Variants in SENP1 observed in about 807,000 individuals in gnomAD.
The protein encoded by SENP1 is SUMO specific peptidase 1, also known as sentrin-specific protease 1.
A neutral mutation model predicts 93.0 loss-of-function variants in SENP1; 21 were observed. The observed-to-expected ratio is 0.23, with a 90% CI of 0.16 to 0.33. The LOEUF is 0.33. Ranked by LOEUF, SENP1 falls within the 10% of genes least tolerant of loss-of-function variation. The probability of loss-of-function intolerance (pLI) is 1.00; values close to 1 mark genes in which losing one functional copy is unlikely to be tolerated. For missense variants in SENP1, 591 were observed against 758.7 expected, an observed-to-expected ratio of 0.78 and a Z score of 2.60; for synonymous variants, 256 against 259.6, an observed-to-expected ratio of 0.99 and a Z score of 0.13.
chr12:48,103,784 C>G (rs1465592572), intron 1 of SENP1, among the ~76,000 whole-genome samples: 1 of 152,110 alleles, frequency 6.6e-6, no homozygotes, highest in East Asian at 1.9e-4. Context: ...TAGTGGAACA[C>G]AAGATAATGG....
At chr12:48,081,949 C>T (rs1944522765) in intron 6 of SENP1, among the ~76,000 whole-genome samples, 1 of 151,938 alleles carries the variant, frequency 6.6e-6, no homozygotes, top group South Asian at 2.1e-4. Context: ...AGTGCAGTGG[C>T]GCGATTTCGG....
At chr12:48,062,393 G>C (rs145740672) in intron 13 of SENP1, among the ~76,000 whole-genome samples, 162 of 152,300 alleles carry the variant, frequency 1.1e-3, no homozygotes, top group African/African-American at 3.3e-3. Context: ...AGCCAAAAGA[G>C]GCAAAGAGGG....
At chr12:48,074,058 A>AT (rs760569786) in intron 8 of SENP1, among the ~76,000 whole-genome samples, 41 of 152,146 alleles carry the variant, frequency 2.7e-4, no homozygotes, top group South Asian at 8.3e-4. Flanking sequence ...CAAATTTTGG[A>AT]TTTTTTGGAC....
In SENP1 at chr12:48,056,508, ATAT is replaced by A. The variant is rs1435286993; in HGVS notation, c.1407+7199_1407+7201del. On this transcript the variant is annotated intron_variant, in intron 13 of 17. Transcript: ENST00000549518. ...TATATTACATATTACATATATAAAT[ATAT>A]TATTTAATATATTACATATATAAAT... Among the ~76,000 whole-genome samples the A allele has an allele frequency of 9.7e-3, 599 of 61,456 alleles. 8 individuals carry two copies. Among genetic ancestry groups the A allele is most frequent in the Middle Eastern group, 0.036 (2 of 56 alleles). 40.3% of individuals were successfully genotyped at this position (61,456 alleles called of 152,430 possible). A position where few individuals can be genotyped will look rare whatever the true frequency, so the allele number is the denominator to read the frequency against.
At chr12:48,100,135 T>G (rs1375058776) in intron 2 of SENP1, among the ~76,000 whole-genome samples, 2 of 152,180 alleles carry the variant, frequency 1.3e-5, no homozygotes, top group African/African-American at 2.4e-5. Context: ...AAGACCTAAG[T>G]GTATAGATTT....
Position 48,074,812 on chromosome 12 carries a change from A to T in SENP1, c.553-19T>A, listed in dbSNP as rs1013495125. Reference sequence around the variant, plus strand: ...GAACTGTCTATAAGAAAACAAAAAAAAAAAACAGTTTAAACACATCCAATA... The same window carrying T: ...GAACTGTCTATAAGAAAACAAAAAATAAAAACAGTTTAAACACATCCAATA... On this transcript the variant is annotated intron_variant, in intron 6 of 17. Coordinates refer to ENST00000549518, the MANE Select transcript of SENP1 (RefSeq NM_001267594.2). The T allele has an allele frequency of 3.3e-6, 5 of 1,526,464 alleles. No individual in the cohort carries two copies. In the African/African-American group the frequency reaches 4.2e-5, roughly 13 times the overall value. 94.6% of individuals were successfully genotyped at this position (1,526,464 alleles called of 1,614,324 possible).
chr12:48,071,413 C>A (rs1053718711), intron 9 of SENP1, among the ~76,000 whole-genome samples: 1 of 151,998 alleles, frequency 6.6e-6, no homozygotes, highest in Non-Finnish European at 1.5e-5. Context: ...GTCAGGAGTT[C>A]GAGACCAGCC....
At chr12:48,046,559 A>G in intron 16 of SENP1, 108 bp from the exon 17 acceptor site, 1 of 798,748 alleles carries the variant, frequency 1.3e-6, no homozygotes, top group Non-Finnish European at 2.1e-6. Context: ...CTAAATTACA[A>G]ACAGATGACT....
intron 6 of SENP1, among the ~76,000 whole-genome samples, chr12:48,079,697 T>C (rs1203152178): frequency 6.6e-6 from 1 of 152,162 alleles, no homozygotes; most frequent in East Asian, 1.9e-4. Flanking sequence ...TTAGGTGATG[T>C]TTCTATAAAA....
chr12:48,057,435 G>A (rs1022964729), intron 13 of SENP1, among the ~76,000 whole-genome samples: 1 of 148,234 alleles, frequency 6.7e-6, no homozygotes, highest in Non-Finnish European at 1.5e-5. Flanking sequence ...TCAGCATGTT[G>A]GTCAGGCCGG....
At position 48,083,606 on chromosome 12, in the gene SENP1, A is replaced by T; in HGVS notation, c.537T>A (p.Val179=). Residue 179 remains valine, a synonymous_variant, in exon 6 of 18, where the codon GTT becomes GTA. Coordinates refer to ENST00000549518, the MANE Select transcript of SENP1 (RefSeq NM_001267594.2). ...TTTTCCTTACCTCTTCTGCTGTACT[A>T]ACATGTCGCCTCTGAGTTTTCTTGG... ...LSPKKTQRRH[V]STAEETVQEE... 6.2e-7 allele frequency: 1 copy of T among 1,613,738 alleles called. No individual in the cohort carries two copies. Among genetic ancestry groups the T allele is most frequent in the Non-Finnish European group, 8.5e-7 (1 of 1,179,776 alleles).
chr12:48,063,388 T>C (rs975676805), intron 13 of SENP1, among the ~76,000 whole-genome samples: 1 of 152,216 alleles, frequency 6.6e-6, no homozygotes, highest in African/African-American at 2.4e-5. Flanking sequence ...CTAATACTTA[T>C]TTGTTCAGAA....
chr12:48,089,138 C>A (rs1216807282), intron 4 of SENP1, 178 bp from the exon 5 acceptor site: 1 of 1,575,322 alleles, frequency 6.3e-7, no homozygotes. Flanking sequence ...CTTCTACAAA[C>A]TATAATTGAT....
intron 6 of SENP1, among the ~76,000 whole-genome samples, chr12:48,080,966 G>A (rs1035954364): frequency 6.6e-6 from 1 of 152,148 alleles, no homozygotes; most frequent in Admixed American, 6.6e-5. Context: ...CTGTTTGGAA[G>A]GGTAAAATTG....
intron 6 of SENP1, among the ~76,000 whole-genome samples, chr12:48,078,371 ATATATACT>A (rs1282600743): frequency 6.0e-5 from 6 of 100,222 alleles, no homozygotes; most frequent in South Asian, 3.1e-4. Context: ...ACACATACAC[ATATATACT>A]TATACATATA....
chr12:48,092,776 C>T (rs760262558), intron 4 of SENP1, among the ~76,000 whole-genome samples: 1 of 152,108 alleles, frequency 6.6e-6, no homozygotes, highest in Non-Finnish European at 1.5e-5. Context: ...TGAGGATAAA[C>T]ATAAGAAAAA....
chr12:48,057,736 A>T (rs1225742091), intron 13 of SENP1, among the ~76,000 whole-genome samples: 2 of 150,146 alleles, frequency 1.3e-5, no homozygotes, highest in Non-Finnish European at 3.0e-5. Flanking sequence ...TCAGCCTCCC[A>T]ATTACAGGCA....
rs1376242842 is a variant in SENP1, at chr12:48,065,185, T to C, written c.1155A>G (p.Ser385=). 4.3e-6 allele frequency: 7 copies of C among 1,609,676 alleles called. No homozygotes were observed. The Admixed American group carries it at 1.2e-4, about 27-fold the overall frequency. The change falls in exon 12 of 18, where the codon TCA becomes TCG. Residue 385 remains serine (S), a synonymous_variant. Coordinates refer to ENST00000549518, the MANE Select transcript of SENP1 (RefSeq NM_001267594.2). ...LQEREHSVHD[S]VELHLRVPLE... is the part of the protein sequence containing the mutation. ...GAGGTACACGAAGATGTAGTTCTAC[T>C]GAATCATGTACTGAATGTTCCCGCT...
chr12:48,062,469 C>G (rs898151920), intron 13 of SENP1, among the ~76,000 whole-genome samples: 1 of 152,150 alleles, frequency 6.6e-6, no homozygotes, highest in Non-Finnish European at 1.5e-5. Context: ...AGATATTATT[C>G]AGGGAGTGAT....
Sources: gnomAD v4.1 joint callset for allele counts (sites outside exome capture counted in the v4.1 genomes callset) on GRCh38, gnomAD v4.1.1 for gene constraint, MANE v1.5 for transcripts, NCBI Gene and HGNC (gene_info 2026-07-23, HGNC 2026-07-21) for gene names.